The following ZNF385D variants were observed in gnomAD, a reference collection of about 807,000 sequenced individuals.
ZNF385D encodes the protein zinc finger protein 659.
A neutral mutation model predicts 35.8 loss-of-function variants in ZNF385D; 15 were observed. That is an observed-to-expected ratio of 0.42 (90% confidence interval 0.28 to 0.64). ZNF385D has a LOEUF of 0.64. Among genes scored for constraint, ZNF385D ranks in the 30% least tolerant of loss-of-function variants. The pLI, the probability that ZNF385D is intolerant of heterozygous loss-of-function variation, is 0.23. For missense variants in ZNF385D, 474 were observed against 494.6 expected, an observed-to-expected ratio of 0.96 and a Z score of 0.39; for synonymous variants, 212 against 186.8, an observed-to-expected ratio of 1.13 and a Z score of -1.10.
At chr3:21,886,342 G>A (rs567738975) in intron 3 of ZNF385D, among the ~76,000 whole-genome samples, 12 of 136,688 alleles carry the variant, frequency 8.8e-5, no homozygotes, top group Non-Finnish European at 1.7e-4. Flanking sequence ...TTTAGTAACC[G>A]AATCTGGCTG....
At position 22,184,310 on chromosome 3, in the gene ZNF385D, A is replaced by T. The variant is rs181152032; in HGVS notation, c.107-15275T>A. 1.1e-4 allele frequency among the ~76,000 whole-genome samples: 17 copies of T among 152,318 alleles called. 1 individual carries two copies. The highest frequency in any genetic ancestry group is 2.2e-4 in the Non-Finnish European group (15 of 68,026). Reference sequence around the variant, plus strand: ...TGGAACCATTATTGACGTCAGGGCAACATGGTGTTTTGTCTTTAAAATATA... The same window carrying T: ...TGGAACCATTATTGACGTCAGGGCATCATGGTGTTTTGTCTTTAAAATATA... On this transcript the variant is annotated intron_variant, in intron 2 of 5. Coordinates refer to the ZNF385D transcript ENST00000494108.
chr3:21,527,975 G>C (rs1469956221), intron 3 of ZNF385D, among the ~76,000 whole-genome samples: 1 of 152,044 alleles, frequency 6.6e-6, no homozygotes, highest in Non-Finnish European at 1.5e-5. Context: ...TTTCCTCCAA[G>C]TTGGATTTTA....
chr3:21,652,447 T>A (rs909251267), intron 2 of ZNF385D, among the ~76,000 whole-genome samples: 2 of 152,134 alleles, frequency 1.3e-5, no homozygotes, highest in African/African-American at 2.4e-5. Flanking sequence ...GTAGCAAATA[T>A]TGCAATAAAG....
intron 2 of ZNF385D, among the ~76,000 whole-genome samples, chr3:22,361,787 G>A (rs989128661): frequency 5.3e-5 from 8 of 151,862 alleles, no homozygotes; most frequent in East Asian, 3.9e-4. Context: ...ACTTGATCTC[G>A]GAAATCACTT....
At chr3:21,815,090 A>C (rs538722388) in intron 3 of ZNF385D, among the ~76,000 whole-genome samples, 1 of 152,232 alleles carries the variant, frequency 6.6e-6, no homozygotes, top group Non-Finnish European at 1.5e-5. Flanking sequence ...GCTACTGGGT[A>C]CGTAACGAAA....
At position 22,109,227 on chromosome 3, in the gene ZNF385D, A is replaced by T. The variant is rs553433634; in HGVS notation, c.325+59590T>A. ...TTTTTGGAAGGTGAATGACTCAGTC[A>T]GAGGTCCAGTCCTACACATTTCATT... On this transcript the variant is annotated intron_variant, in intron 3 of 5. Transcript: ENST00000494108. Among the ~76,000 whole-genome samples, 14 of 152,296 alleles carry T rather than the reference A, an allele frequency of 9.2e-5. No individual in the cohort carries two copies. The South Asian group carries it at 2.9e-3, about 32-fold the overall frequency.
chr3:21,971,365 C>T (rs1410419335), intron 3 of ZNF385D, among the ~76,000 whole-genome samples: 6 of 151,808 alleles, frequency 4.0e-5, no homozygotes, highest in Non-Finnish European at 8.8e-5. Flanking sequence ...AATTTACTTG[C>T]TTGTTTTTTG....
chr3:22,337,503 C>A (rs941099598), intron 2 of ZNF385D, among the ~76,000 whole-genome samples: 1 of 152,092 alleles, frequency 6.6e-6, no homozygotes, highest in Admixed American at 6.6e-5. Flanking sequence ...CACTGCACTC[C>A]AGCCTGGGCA....
At chr3:21,937,525 TTAA>T (rs1489230805) in intron 3 of ZNF385D, among the ~76,000 whole-genome samples, 1 of 152,178 alleles carries the variant, frequency 6.6e-6, no homozygotes, top group Non-Finnish European at 1.5e-5. Context: ...ATGTTTTGTG[TTAA>T]TGATGATGAG....
chr3:21,866,408 C>T (rs1316196146), intron 3 of ZNF385D, among the ~76,000 whole-genome samples: 1 of 152,096 alleles, frequency 6.6e-6, no homozygotes, highest in Non-Finnish European at 1.5e-5. Context: ...GAGCCAAGAT[C>T]GCACGATTGC....
intron 3 of ZNF385D, among the ~76,000 whole-genome samples, chr3:21,823,490 T>C (rs568893221): frequency 6.6e-6 from 1 of 152,266 alleles, no homozygotes; most frequent in South Asian, 2.1e-4. Context: ...TCACCGTGTA[T>C]ATAGTATATA....
chr3:21,724,477 C>CCAAAAAA (rs2068670605), intron 1 of ZNF385D, among the ~76,000 whole-genome samples: 3 of 52,016 alleles, frequency 5.8e-5, no homozygotes, highest in African/African-American at 4.8e-4. Flanking sequence ...AATGGAAAGC[C>CCAAAAAA]AAAAAAAAAA....
intron 4 of ZNF385D, among the ~76,000 whole-genome samples, chr3:21,451,873 C>G (rs1301209050): frequency 6.6e-6 from 1 of 152,048 alleles, no homozygotes; most frequent in Non-Finnish European, 1.5e-5. Context: ...AAGCCATTAT[C>G]AGCATCAAGA....
intron 3 of ZNF385D, among the ~76,000 whole-genome samples, chr3:21,846,871 A>C (rs957706304): frequency 2.6e-5 from 4 of 152,012 alleles, no homozygotes; most frequent in Non-Finnish European, 5.9e-5. Flanking sequence ...AAAATATAGT[A>C]TCTGTCCTTG....
chr3:22,038,874 G>C (rs889371794), intron 3 of ZNF385D, among the ~76,000 whole-genome samples: 6 of 149,462 alleles, frequency 4.0e-5, no homozygotes, highest in Admixed American at 3.3e-4. Flanking sequence ...GATATAATAA[G>C]GTTATATTTT....
chr3:21,966,747 A>G (rs1702936765), intron 3 of ZNF385D, among the ~76,000 whole-genome samples: 1 of 152,066 alleles, frequency 6.6e-6, no homozygotes, highest in Non-Finnish European at 1.5e-5. Flanking sequence ...ACGCCCAGCT[A>G]ATTTTTGTAT....
intron 3 of ZNF385D, among the ~76,000 whole-genome samples, chr3:22,019,034 CTTTTTTTTT>C (rs11380195): frequency 1.4e-4 from 9 of 64,468 alleles, no homozygotes; most frequent in African/African-American, 3.7e-4. Context: ...AGTTATTTAC[CTTTTTTTTT>C]TTTTTTTTTT....
intron 3 of ZNF385D, among the ~76,000 whole-genome samples, chr3:21,948,258 A>G (rs1167830791): frequency 1.3e-5 from 2 of 151,946 alleles, no homozygotes; most frequent in African/African-American, 4.8e-5. Flanking sequence ...TTAATTTAAG[A>G]GAAACAAAGC....
At chr3:21,574,073 AAAG>A (rs1474675378) in intron 2 of ZNF385D, among the ~76,000 whole-genome samples, 2 of 151,500 alleles carry the variant, frequency 1.3e-5, no homozygotes, top group African/African-American at 2.4e-5. Flanking sequence ...AAAAAAAAAA[AAAG>A]GAAGGGAGGA....
Sources: allele counts gnomAD v4.1 joint callset (sites outside exome capture counted in the v4.1 genomes callset), GRCh38; gene constraint gnomAD v4.1.1; transcripts MANE v1.5; gene names NCBI Gene and HGNC (gene_info 2026-07-23, HGNC 2026-07-21).